Variants in CDYL2 observed in about 807,000 individuals in gnomAD.
CDYL2 encodes chromodomain Y like 2.
In CDYL2, 23 loss-of-function variants were observed where a neutral mutation model predicts 49.4. That is an observed-to-expected ratio of 0.47 (90% CI 0.34 to 0.66). The LOEUF is 0.66. CDYL2 is among the 30% of genes least tolerant of loss of function. The pLI, the probability that CDYL2 is intolerant of heterozygous loss-of-function variation, is 0.01. For synonymous variants in CDYL2, 360 were observed against 268.8 expected (o/e 1.34, Z -3.32); for missense variants, 678 against 656.4 (o/e 1.03, Z -0.36).
intron 2 of CDYL2, among the ~76,000 whole-genome samples, chr16:80,636,195 A>C (rs1167996633): frequency 6.6e-6 from 1 of 152,242 alleles, no homozygotes; most frequent in African/African-American, 2.4e-5. Flanking sequence ...AAGAAAAGCC[A>C]AAATTGACAA....
intron 1 of CDYL2, among the ~76,000 whole-genome samples, chr16:80,707,997 T>C (rs1904463869): frequency 6.6e-6 from 1 of 152,148 alleles, no homozygotes; most frequent in African/African-American, 2.4e-5. Context: ...ATGCTATTTC[T>C]ACAAGAAAGG....
chr16:80,688,357 G>C (rs1371880649), intron 1 of CDYL2, among the ~76,000 whole-genome samples: 1 of 152,156 alleles, frequency 6.6e-6, no homozygotes, highest in Non-Finnish European at 1.5e-5. Context: ...CTATCTGTAT[G>C]ACCTTGGGCA....
At chr16:80,620,649 T>A in intron 4 of CDYL2, 114 bp downstream of exon 4, 1 of 993,220 alleles carries the variant, frequency 1.0e-6, no homozygotes. Flanking sequence ...GATATACTTA[T>A]GCTAAAAATA....
At chr16:80,649,898 A>C (rs1005258280) in intron 2 of CDYL2, among the ~76,000 whole-genome samples, 1 of 152,080 alleles carries the variant, frequency 6.6e-6, no homozygotes, top group African/African-American at 2.4e-5. Flanking sequence ...GTGCTAGAAA[A>C]ACTGAATATC....
chr16:80,700,898 C>A (rs137959691), intron 1 of CDYL2, among the ~76,000 whole-genome samples: 94 of 152,340 alleles, frequency 6.2e-4, no homozygotes, highest in African/African-American at 2.0e-3. Context: ...GTCTTCCCTG[C>A]CACAGCAACA....
chr16:80,726,178 CTA>C (rs1160275323), intron 1 of CDYL2, among the ~76,000 whole-genome samples: 2 of 152,138 alleles, frequency 1.3e-5, no homozygotes, highest in African/African-American at 4.8e-5. Context: ...GTATAAGATT[CTA>C]TTTTTGCGTA....
intron 1 of CDYL2, among the ~76,000 whole-genome samples, chr16:80,749,386 T>C (rs924408226): frequency 6.6e-6 from 1 of 152,200 alleles, no homozygotes; most frequent in Non-Finnish European, 1.5e-5. Flanking sequence ...GGTCTTTTCA[T>C]ATATGCCTGG....
intron 1 of CDYL2, among the ~76,000 whole-genome samples, chr16:80,792,771 C>T (rs1224108393): frequency 1.3e-5 from 2 of 152,130 alleles, no homozygotes; most frequent in Non-Finnish European, 2.9e-5. Context: ...CTAGGAATAT[C>T]GCTGCTGTGC....
intron 1 of CDYL2, among the ~76,000 whole-genome samples, chr16:80,747,912 A>G (rs1340132583): frequency 6.6e-6 from 1 of 152,004 alleles, no homozygotes; most frequent in Middle Eastern, 3.2e-3. Flanking sequence ...AGACACCAGT[A>G]CCACAAAACC....
intron 3 of CDYL2, among the ~76,000 whole-genome samples, chr16:80,622,828 T>C (rs567582455): frequency 1.3e-5 from 2 of 152,194 alleles, no homozygotes; most frequent in African/African-American, 4.8e-5. Flanking sequence ...TTCAAAGGCA[T>C]GCAGCCCGGC....
intron 1 of CDYL2, chr16:80,735,067 A>G (rs144876909): frequency 6.6e-6 from 1 of 152,324 alleles, no homozygotes; most frequent in Non-Finnish European, 1.5e-5. Flanking sequence ...CTTCCTTGAT[A>G]CTTAGTTGTT....
intron 2 of CDYL2, among the ~76,000 whole-genome samples, chr16:80,648,600 C>G (rs990572954): frequency 2.0e-5 from 3 of 151,602 alleles, no homozygotes; most frequent in African/African-American, 7.3e-5. Context: ...CCTACTCAAA[C>G]TATTCTAAAA....
intron 1 of CDYL2, among the ~76,000 whole-genome samples, chr16:80,758,699 C>A (rs1465627654): frequency 6.6e-6 from 1 of 151,924 alleles, no homozygotes; most frequent in Non-Finnish European, 1.5e-5. Flanking sequence ...CCCGCCACCA[C>A]ACCCAGCTAA....
At position 80,604,223 on chromosome 16, in the gene CDYL2, A is replaced by G. The variant is rs111599744; in HGVS notation, c.*165T>C. 13 of 745,514 alleles carry G rather than the reference A, an allele frequency of 1.7e-5. No individual in the cohort carries two copies. Among genetic ancestry groups the G allele is most frequent in the Non-Finnish European group, 2.6e-5 (12 of 460,370 alleles). The allele number at this position is 745,514 out of a possible 1,614,324, so 46.2% of individuals were successfully genotyped here. A position where few individuals can be genotyped will look rare whatever the true frequency, so the allele number is the denominator to read the frequency against. Reference sequence around the variant, plus strand: ...GTATGCTGCGTTTTCCATCCATTACACAAAATCAAACCAAGGAGGAGCAAC... The same window carrying G: ...GTATGCTGCGTTTTCCATCCATTACGCAAAATCAAACCAAGGAGGAGCAAC... On this transcript the variant is annotated 3_prime_UTR_variant, in exon 7 of 7. Coordinates refer to ENST00000570137, the MANE Select transcript of CDYL2 (RefSeq NM_152342.4).
At chr16:80,634,129 T>A (rs1038631201) in intron 2 of CDYL2, among the ~76,000 whole-genome samples, 2 of 151,146 alleles carry the variant, frequency 1.3e-5, no homozygotes, top group African/African-American at 4.9e-5. Flanking sequence ...AAACTACCAA[T>A]ATCAGAAATG....
intron 1 of CDYL2, among the ~76,000 whole-genome samples, chr16:80,712,144 T>C (rs1272311727): frequency 1.4e-5 from 2 of 146,570 alleles, no homozygotes; most frequent in East Asian, 3.9e-4. Flanking sequence ...TGTACATATA[T>C]GTGTATATAC....
intron 2 of CDYL2, among the ~76,000 whole-genome samples, chr16:80,660,658 A>G (rs1909003922): frequency 6.6e-6 from 1 of 152,228 alleles, no homozygotes; most frequent in Non-Finnish European, 1.5e-5. Context: ...GAACATATTA[A>G]ACTCATATTA....
chr16:80,804,048 G>C (rs1034367949), intron 1 of CDYL2, 102 bp downstream of exon 1: 2 of 858,896 alleles, frequency 2.3e-6, no homozygotes, highest in African/African-American at 3.8e-5. Flanking sequence ...GGCAACTCCG[G>C]ATTGCGCCCG....
At chr16:80,723,107 C>T (rs912906353) in intron 1 of CDYL2, among the ~76,000 whole-genome samples, 1 of 152,202 alleles carries the variant, frequency 6.6e-6, no homozygotes, top group African/African-American at 2.4e-5. Flanking sequence ...ACCACAGGCA[C>T]CTCCCTGGGC....
Sources: allele counts gnomAD v4.1 joint callset (sites outside exome capture counted in the v4.1 genomes callset), GRCh38; gene constraint gnomAD v4.1.1; transcripts MANE v1.5; gene names NCBI Gene and HGNC (gene_info 2026-07-23, HGNC 2026-07-21).